The following RELL1 variants were observed in gnomAD, a reference collection of about 807,000 sequenced individuals.
The protein encoded by RELL1 is RELT-like protein 1.
A neutral mutation model predicts 23.0 loss-of-function variants in RELL1; 10 were observed. That is an observed-to-expected ratio of 0.43 (90% confidence interval 0.27 to 0.74). The LOEUF is 0.74. RELL1 is among the 30% of genes least tolerant of loss of function. The probability of loss-of-function intolerance (pLI) is 0.19; values close to 1 mark genes in which losing one functional copy is unlikely to be tolerated. For missense variants in RELL1, 315 were observed against 364.4 expected (o/e 0.86, Z 1.10); for synonymous variants, 146 against 146.8 (o/e 0.99, Z 0.04).
intron 2 of RELL1, among the ~76,000 whole-genome samples, chr4:37,647,781 G>T (rs74615305): frequency 0.026 from 3,959 of 152,132 alleles, 210 homozygotes; most frequent in East Asian, 0.16. Flanking sequence ...CATTAAAAAA[G>T]AAAAAGATTC....
intron 1 of RELL1, among the ~76,000 whole-genome samples, chr4:37,684,198 C>T (rs964104186): frequency 6.6e-6 from 1 of 152,210 alleles, no homozygotes; most frequent in Non-Finnish European, 1.5e-5. Flanking sequence ...GCTCAAGGTA[C>T]AAACATTAAC....
In RELL1 at chr4:37,649,442, G is replaced by A. The variant is rs761112686; in HGVS notation, c.147C>T (p.Asn49=). 1.6e-5 allele frequency: 26 copies of A among 1,614,102 alleles called. No homozygotes were observed. In the Admixed American group the frequency reaches 3.3e-4, roughly 21 times the overall value. The change falls in exon 2 of 7, where the codon AAC becomes AAT. Residue 49 remains asparagine (N), a synonymous_variant. Coordinates refer to ENST00000454158, the MANE Select transcript of RELL1 (RefSeq NM_001085400.2). ...ATTCTGGGTGTCCATTCCCAGTATC[G>A]TTGCTGGGCGACGGGGTCGTCTCTG... The part of the protein sequence containing the change: ...SRTETTPSPS[N]DTGNGHPEYI...
At chr4:37,643,846 C>A (rs1720606025) in intron 3 of RELL1, among the ~76,000 whole-genome samples, 1 of 152,132 alleles carries the variant, frequency 6.6e-6, no homozygotes, top group Non-Finnish European at 1.5e-5. Context: ...TTGGTGCAGG[C>A]TGGAAGCTGA....
At chr4:37,682,534 T>G (rs1272694668) in intron 1 of RELL1, among the ~76,000 whole-genome samples, 5 of 152,218 alleles carry the variant, frequency 3.3e-5, no homozygotes, top group African/African-American at 1.2e-4. Context: ...TCTCTCACAT[T>G]CAAATTCAAC....
chr4:37,586,475 G>A (rs534129154), downstream of RELL1, among the ~76,000 whole-genome samples: 32 of 152,304 alleles, frequency 2.1e-4, no homozygotes, highest in East Asian at 3.3e-3. Context: ...CGGCTGGTCC[G>A]AGGGACTCTT....
At position 37,612,409 on chromosome 4, in the gene RELL1, G is replaced by T. The variant is rs1719433633; in HGVS notation, c.*937C>A. On this transcript the variant is annotated 3_prime_UTR_variant, in exon 7 of 7. Transcript: ENST00000454158. ...CCAGCACTTTGGGAGGCCGAGGCGG[G>T]TAGATCGCCTGAGGTCAGGAGTTCA... 1.3e-5 allele frequency among the ~76,000 whole-genome samples: 2 copies of T among 151,752 alleles called. No homozygotes were observed. The highest frequency in any genetic ancestry group is 2.9e-5 in the Non-Finnish European group (2 of 67,912).
chr4:37,630,368 T>TG (rs60276474), intron 6 of RELL1, among the ~76,000 whole-genome samples: 23,830 of 132,954 alleles, frequency 0.18, 2,796 homozygotes, highest in Non-Finnish European at 0.25. Context: ...TTTTTTTTTT[T>TG]TTTTTTTTTT....
In RELL1 at chr4:37,657,317, C is replaced by T. The variant is rs9992700; in HGVS notation, c.89-7817G>A. On this transcript the variant is annotated intron_variant, in intron 1 of 6. Coordinates refer to ENST00000454158, the MANE Select transcript of RELL1 (RefSeq NM_001085400.2). ...AAGCTGGATTCCCTGGGTTCAGGAA[C>T]AGAGACACTGAGCTCATTGTGCTCC... Among the ~76,000 whole-genome samples, 1,006 of 152,278 alleles carry T rather than the reference C, an allele frequency of 6.6e-3. 12 individuals are homozygous for T. The highest frequency in any genetic ancestry group is 0.023 in the African/African-American group (943 of 41,538).
intron 2 of RELL1, among the ~76,000 whole-genome samples, chr4:37,647,956 A>G (rs1720765534): frequency 6.6e-6 from 1 of 151,210 alleles, no homozygotes; most frequent in African/African-American, 2.4e-5. Flanking sequence ...CCACAAACTC[A>G]GTTTACTTTG....
At chr4:37,594,901 G>T (rs1331301192) in intron 6 of RELL1, among the ~76,000 whole-genome samples, 1 of 152,204 alleles carries the variant, frequency 6.6e-6, no homozygotes, top group Non-Finnish European at 1.5e-5. Flanking sequence ...GGTCGTCTGT[G>T]TGCAACCATG....
downstream of RELL1, among the ~76,000 whole-genome samples, chr4:37,589,779 C>G (rs986324836): frequency 6.6e-6 from 1 of 152,140 alleles, no homozygotes; most frequent in Non-Finnish European, 1.5e-5. Context: ...TTACAGGTGC[C>G]TACCACCTCA....
chr4:37,662,519 C>T (rs371354061), intron 1 of RELL1, among the ~76,000 whole-genome samples: 4 of 151,304 alleles, frequency 2.6e-5, no homozygotes, highest in African/African-American at 4.9e-5. Context: ...TCCTGAACCC[C>T]GGGTTGCTAC....
At chr4:37,653,425 T>C (rs974942137) in intron 1 of RELL1, among the ~76,000 whole-genome samples, 14 of 86,688 alleles carry the variant, frequency 1.6e-4, no homozygotes, top group East Asian at 6.5e-4. Context: ...AACCTCAATA[T>C]TCAATACAAG....
chr4:37,633,801 CTGT>C (rs766292550), intron 5 of RELL1, among the ~76,000 whole-genome samples: 15 of 152,348 alleles, frequency 9.8e-5, no homozygotes, highest in Admixed American at 2.0e-4. Flanking sequence ...GTGAGTGTGA[CTGT>C]CCTTCTCACT....
chr4:37,633,448 G>C (rs1487032332), intron 5 of RELL1, among the ~76,000 whole-genome samples: 1 of 117,860 alleles, frequency 8.5e-6, no homozygotes, highest in African/African-American at 3.1e-5. Flanking sequence ...AAAAAAAAAG[G>C]CATGTTGAAT....
chr4:37,659,596 C>T (rs1279295645), intron 1 of RELL1, among the ~76,000 whole-genome samples: 1 of 152,154 alleles, frequency 6.6e-6, no homozygotes, highest in Admixed American at 6.5e-5. Flanking sequence ...TCCACCTTTG[C>T]CACCAGCTAC....
downstream of RELL1, among the ~76,000 whole-genome samples, chr4:37,589,368 A>T (rs1367583337): frequency 6.6e-6 from 1 of 152,238 alleles, no homozygotes; most frequent in Non-Finnish European, 1.5e-5. Context: ...AATAAGCTGT[A>T]TTCCACTGTA....
chr4:37,597,324 A>C (rs1414429727), intron 6 of RELL1, among the ~76,000 whole-genome samples: 2 of 152,228 alleles, frequency 1.3e-5, no homozygotes, highest in Non-Finnish European at 2.9e-5. Context: ...TACACATTCC[A>C]AACTAAAATG....
In RELL1 at chr4:37,634,971, C is replaced by T. The variant is rs755750823; in HGVS notation, c.596G>A (p.Arg199Gln). Residue 199 changes from arginine to glutamine, a missense_variant, in exon 5 of 7, where the codon CGG becomes CAG. Transcript: ENST00000454158. ...GTTAGTGGGCTTTATAAAGTGCCAC[C>T]GCTTGTGCCTACACCGATGACACAC... ...RDVCHRCRHK[R>Q]WHFIKPTNKS... 2 of 1,614,100 alleles carry T rather than the reference C, an allele frequency of 1.2e-6. No homozygotes were observed. The highest frequency in any genetic ancestry group is 1.3e-5 in the African/African-American group (1 of 74,930).
Sources: gnomAD v4.1 joint callset for allele counts (sites outside exome capture counted in the v4.1 genomes callset) on GRCh38, gnomAD v4.1.1 for gene constraint, MANE v1.5 for transcripts, NCBI Gene and HGNC (gene_info 2026-07-23, HGNC 2026-07-21) for gene names.